The following ZNF726 variants were observed in gnomAD, a reference collection of about 807,000 sequenced individuals.
The protein encoded by ZNF726 is zinc finger protein 92 pseudogene 3.
ZNF726 carries 15 observed loss-of-function variants against 11.6 expected under a neutral mutation model. The ratio of observed to expected loss-of-function variants is 1.29; its 90% CI spans 0.86 to 1.99. The LOEUF (loss-of-function observed/expected upper bound fraction) is 1.99. ZNF726 is among the 30% of genes most tolerant of loss of function. The pLI, the probability that ZNF726 is intolerant of heterozygous loss-of-function variation, is 0.00. For synonymous variants in ZNF726, 295 were observed against 243.6 expected (o/e 1.21, Z -1.96); for missense variants, 890 against 725.6 (o/e 1.23, Z -2.60).
At chr19:23,936,373 T>A (rs539286408), downstream of ZNF726, among the ~76,000 whole-genome samples, 22 of 151,526 alleles carry the variant, frequency 1.5e-4, no homozygotes, top group Admixed American at 1.3e-3. Flanking sequence ...AGAGTTATAA[T>A]TACAATCAAA....
At chr19:23,915,143 C>A in intron 1 of ZNF726, 146 bp downstream of exon 1, 1 of 1,248,958 alleles carries the variant, frequency 8.0e-7, no homozygotes, top group Non-Finnish European at 1.1e-6. Context: ...TCAGTCCCTT[C>A]AGCCTTAAGA....
At chr19:23,916,542 G>A (rs1361272046) in intron 1 of ZNF726, among the ~76,000 whole-genome samples, 1 of 152,098 alleles carries the variant, frequency 6.6e-6, no homozygotes, top group Non-Finnish European at 1.5e-5. Context: ...TGTTGGCCAG[G>A]CTGGTCTTGA....
At chr19:23,916,770 C>G (rs1351113989) in intron 1 of ZNF726, among the ~76,000 whole-genome samples, 1 of 151,664 alleles carries the variant, frequency 6.6e-6, no homozygotes. Context: ...TTTACCTAGT[C>G]ACAGATATCT....
chr19:23,941,435 GTTTTC>G (rs1329425924), intron 3 of ZNF726, among the ~76,000 whole-genome samples: 3 of 152,048 alleles, frequency 2.0e-5, no homozygotes, highest in Admixed American at 6.6e-5. Context: ...TTAATCTGTA[GTTTTC>G]TTTTCTGGTT....
At chr19:23,944,141 T>C (rs1968381462) in intron 4 of ZNF726, 1 of 152,226 alleles carries the variant, frequency 6.6e-6, no homozygotes, top group Admixed American at 6.5e-5. Context: ...ACTTTTTTTA[T>C]ATACCTATTG....
At chr19:23,920,192 G>A in intron 3 of ZNF726, 110 bp downstream of exon 3, 2 of 712,920 alleles carry the variant, frequency 2.8e-6, no homozygotes, top group Admixed American at 2.9e-5. Context: ...AACCGTTTCT[G>A]GAAAGCCTGA....
downstream of ZNF726, chr19:23,935,176 G>A (rs770670718): frequency 6.1e-5 from 25 of 407,118 alleles, no homozygotes; most frequent in Non-Finnish European, 2.0e-5. Flanking sequence ...TGTGGGGAGA[G>A]ACCCAGTGGG....
At chr19:23,937,229 C>G (rs1225326010), downstream of ZNF726, among the ~76,000 whole-genome samples, 1 of 147,328 alleles carries the variant, frequency 6.8e-6, no homozygotes, top group Non-Finnish European at 1.5e-5. Flanking sequence ...GCTGGCCGGG[C>G]AGGGGGCTGA....
chr19:23,915,204 G>T (rs554385993), intron 1 of ZNF726, among the ~76,000 whole-genome samples: 4 of 152,228 alleles, frequency 2.6e-5, no homozygotes, highest in South Asian at 2.1e-4. Context: ...TCTTCACTGC[G>T]CAGTGACTGT....
chr19:23,938,103 T>A (rs1489097748), downstream of ZNF726, among the ~76,000 whole-genome samples: 1 of 152,230 alleles, frequency 6.6e-6, no homozygotes, highest in African/African-American at 2.4e-5. Context: ...GATAATGGAC[T>A]GACATCTCTA....
Position 23,933,253 on chromosome 19 carries a change from A to G in ZNF726, c.1137A>G (p.Ile379Met), listed in dbSNP as rs1417334598. The G allele has an allele frequency of 1.4e-5, 22 of 1,609,592 alleles. No individual in the cohort carries two copies. Among genetic ancestry groups the G allele is most frequent in the South Asian group, 2.2e-5 (2 of 90,906 alleles). ...YKCEECGKAF[I>M]WPSTLTKHKR... ...GTGAAGAATGTGGCAAAGCATTTAT[A>G]TGGCCCTCAACCCTAACTAAACATA... Residue 379 changes from isoleucine (I) to methionine (M), a missense_variant, in exon 4 of 4, where the codon ATA becomes ATG. Coordinates refer to ENST00000594466, the MANE Select transcript of ZNF726 (RefSeq NM_001244038.2).
intron 1 of ZNF726, 123 bp from the exon 2 acceptor site, chr19:23,919,250 T>C: frequency 6.9e-7 from 1 of 1,447,450 alleles, no homozygotes; most frequent in East Asian, 2.4e-5. Context: ...TTTTATTGGA[T>C]AATTTCAGTC....
chr19:23,938,965 ATTT>A (rs200806118), downstream of ZNF726, among the ~76,000 whole-genome samples: 1 of 149,806 alleles, frequency 6.7e-6, no homozygotes, highest in East Asian at 2.0e-4. Flanking sequence ...TATAAGAATG[ATTT>A]TTTTTTTAAT....
Position 23,932,349 on chromosome 19 carries a change from G to A in ZNF726, c.233G>A (p.Cys78Tyr), listed in dbSNP as rs773364185. Residue 78 changes from cysteine to tyrosine, a missense_variant, in exon 4 of 4, where the codon TGT becomes TAT. Cys to Tyr is a radical substitution (Grantham distance 194). Transcript: ENST00000594466. ...DEMVDEPPGICPHFAQDIWPE... is the reference protein window; with the variant it reads ...DEMVDEPPGIYPHFAQDIWPE... ...TATTTTAATTTTTTTTTAGGTATAT[G>A]TCCTCATTTTGCTCAAGACATTTGG... 1.1e-5 allele frequency: 15 copies of A among 1,409,024 alleles called. No individual in the cohort carries two copies. Among genetic ancestry groups the A allele is most frequent in the South Asian group, 2.0e-5 (1 of 50,898 alleles). 87.3% of individuals were successfully genotyped at this position (1,409,024 alleles called of 1,614,324 possible).
intron 1 of ZNF726, 120 bp downstream of exon 1, chr19:23,915,117 G>T: frequency 6.7e-7 from 1 of 1,486,100 alleles, no homozygotes; most frequent in Non-Finnish European, 9.3e-7. Context: ...CGCCCGAGTT[G>T]TTGCCCAGCT....
chr19:23,921,614 G>A (rs1375686831), intron 3 of ZNF726: 1 of 151,826 alleles, frequency 6.6e-6, no homozygotes, highest in African/African-American at 2.4e-5. Flanking sequence ...GGTTAAATTT[G>A]TTCTAAAATT....
rs546485838 is a variant in ZNF726, at chr19:23,934,192, A to G, written c.*225A>G. On this transcript the variant is annotated 3_prime_UTR_variant, in exon 4 of 4. Coordinates refer to ENST00000594466, the MANE Select transcript of ZNF726 (RefSeq NM_001244038.2). ...TAATCATTCTCAAATCTTACTACACATAAGATAATTCATACTGGAAATAAA... is the reference window on the plus strand; with the variant it reads ...TAATCATTCTCAAATCTTACTACACGTAAGATAATTCATACTGGAAATAAA... 19 of 793,912 alleles carry G rather than the reference A, an allele frequency of 2.4e-5. No individual in the cohort carries two copies. Among genetic ancestry groups the G allele is most frequent in the Admixed American group, 9.7e-5 (5 of 51,584 alleles). The allele number at this position is 793,912 out of a possible 1,614,324, so 49.2% of individuals were successfully genotyped here.
chr19:23,915,770 G>A (rs187182192), intron 1 of ZNF726, among the ~76,000 whole-genome samples: 29 of 151,928 alleles, frequency 1.9e-4, no homozygotes, highest in African/African-American at 6.5e-4. Context: ...TAGCGGAGAC[G>A]GGGGTTTCAC....
chr19:23,936,937 A>G (rs1968243540), downstream of ZNF726, among the ~76,000 whole-genome samples: 1 of 151,800 alleles, frequency 6.6e-6, no homozygotes, highest in Middle Eastern at 3.4e-3. Context: ...CAAAACCGCC[A>G]TTGTCATCAT....
Sources: allele counts gnomAD v4.1 joint callset (sites outside exome capture counted in the v4.1 genomes callset), GRCh38; gene constraint gnomAD v4.1.1; transcripts MANE v1.5; gene names NCBI Gene and HGNC (gene_info 2026-07-23, HGNC 2026-07-21).